THUMPD2: variants seen among roughly 807,000 people sequenced by gnomAD.
THUMPD2 encodes U6 snRNA (guanine-N(2))-methyltransferase THUMPD2.
In THUMPD2, 56 loss-of-function variants were observed where a neutral mutation model predicts 49.4. The ratio of observed to expected loss-of-function variants is 1.13; its 90% CI spans 0.91 to 1.41. The LOEUF (loss-of-function observed/expected upper bound fraction) is 1.41. Among genes scored for constraint, THUMPD2 ranks in the 40% most tolerant of loss-of-function variants. THUMPD2 has a pLI of 0.00. For synonymous variants in THUMPD2, 237 were observed against 205.2 expected (o/e 1.15, Z -1.32); for missense variants, 709 against 594.5 (o/e 1.19, Z -2.00).
chr2:39,764,125 C>A (rs2148306736), intron 5 of THUMPD2, among the ~76,000 whole-genome samples: 1 of 152,324 alleles, frequency 6.6e-6, no homozygotes, highest in Middle Eastern at 3.4e-3. Context: ...TTTCTGCTCA[C>A]AGGTCCGTAA....
chr2:39,754,032 GA>G (rs986173420), intron 8 of THUMPD2, among the ~76,000 whole-genome samples: 7 of 152,064 alleles, frequency 4.6e-5, no homozygotes, highest in African/African-American at 1.7e-4. Context: ...CCCCTAAAGT[GA>G]AAATACATAA....
At chr2:39,737,918 A>C (rs1673340977) in intron 9 of THUMPD2, among the ~76,000 whole-genome samples, 1 of 152,088 alleles carries the variant, frequency 6.6e-6, no homozygotes, top group Non-Finnish European at 1.5e-5. Flanking sequence ...TGGGAAGTGG[A>C]GGGAGGAGGG....
chr2:39,773,891 T>C (rs1370927979), intron 1 of THUMPD2, among the ~76,000 whole-genome samples: 2 of 152,218 alleles, frequency 1.3e-5, no homozygotes, highest in African/African-American at 4.8e-5. Context: ...AAGCATATTA[T>C]CAGAAGTACA....
intron 6 of THUMPD2, chr2:39,757,312 A>G (rs995798135): frequency 9.3e-7 from 1 of 1,076,062 alleles, no homozygotes. Context: ...TGATATGTCT[A>G]CAGAGGAAGC....
At chr2:39,738,655 C>A (rs1673481564) in intron 9 of THUMPD2, among the ~76,000 whole-genome samples, 1 of 128,226 alleles carries the variant, frequency 7.8e-6, no homozygotes, top group African/African-American at 3.1e-5. Flanking sequence ...AATTTATATA[C>A]ATATAAATTA....
intron 8 of THUMPD2, among the ~76,000 whole-genome samples, chr2:39,753,463 TAGG>T (rs1675685147): frequency 1.3e-5 from 2 of 152,214 alleles, no homozygotes; most frequent in African/African-American, 4.8e-5. Flanking sequence ...ACTCATTCCC[TAGG>T]AGATCTCATG....
intron 9 of THUMPD2, among the ~76,000 whole-genome samples, chr2:39,738,934 G>A (rs1313411698): frequency 1.3e-5 from 2 of 151,954 alleles, no homozygotes; most frequent in Admixed American, 6.6e-5. Context: ...AGAGTTAAGG[G>A]GAATCTGCCT....
At chr2:39,777,925 C>T (rs78135500) in intron 1 of THUMPD2, among the ~76,000 whole-genome samples, 2,830 of 152,200 alleles carry the variant, frequency 0.019, 66 homozygotes, top group East Asian at 0.069. Context: ...TCATACCAAG[C>T]ACTCTAAGTT....
At chr2:39,745,216 T>A (rs541133282) in intron 8 of THUMPD2, among the ~76,000 whole-genome samples, 4 of 152,184 alleles carry the variant, frequency 2.6e-5, no homozygotes, top group Non-Finnish European at 5.9e-5. Context: ...TCATTTTGAA[T>A]AGTACCTAAT....
Position 39,758,785 on chromosome 2 carries a change from T to TA in THUMPD2, c.891+2545dup, listed in dbSNP as rs372395566. 7.6e-3 allele frequency among the ~76,000 whole-genome samples: 936 copies of TA among 123,206 alleles called. 7 individuals are homozygous for TA. The highest frequency in any genetic ancestry group is 9.3e-3 in the Non-Finnish European group (528 of 57,016). 80.8% of individuals were successfully genotyped at this position (123,206 alleles called of 152,430 possible). ...AACAAACAAAAACCAATGGCACATC[T>TA]AAAAAAAAAAAAAAAGGAGGAGGTC... is the stretch of plus-strand genomic sequence containing the variant. On this transcript the variant is annotated intron_variant, in intron 6 of 9. Transcript: ENST00000505747.
intron 6 of THUMPD2, among the ~76,000 whole-genome samples, chr2:39,757,990 G>T (rs1259503820): frequency 6.6e-6 from 1 of 152,096 alleles, no homozygotes; most frequent in Non-Finnish European, 1.5e-5. Flanking sequence ...TTCTTTAACA[G>T]ACCTCCTTTG....
intron 8 of THUMPD2, among the ~76,000 whole-genome samples, chr2:39,745,127 C>G (rs1674398858): frequency 6.6e-6 from 1 of 152,152 alleles, no homozygotes; most frequent in Non-Finnish European, 1.5e-5. Flanking sequence ...TCTAGATGTA[C>G]TTTCCACTTT....
chr2:39,749,902 A>T (rs146016194), intron 8 of THUMPD2, among the ~76,000 whole-genome samples: 1 of 152,288 alleles, frequency 6.6e-6, no homozygotes, highest in African/African-American at 2.4e-5. Flanking sequence ...TTCAAGCACC[A>T]TCCATGTCCC....
chr2:39,750,536 G>T (rs1675260942), intron 8 of THUMPD2, among the ~76,000 whole-genome samples: 1 of 151,818 alleles, frequency 6.6e-6, no homozygotes, highest in Non-Finnish European at 1.5e-5. Context: ...GCGAAACCTT[G>T]TCTTTACTAA....
At chr2:39,754,881 T>C (rs2148257387) in intron 8 of THUMPD2, among the ~76,000 whole-genome samples, 1 of 152,348 alleles carries the variant, frequency 6.6e-6, no homozygotes, top group African/African-American at 2.4e-5. Flanking sequence ...ATCTCACGGA[T>C]ACTGTCTAAT....
Position 39,770,070 on chromosome 2 carries a change from A to G in THUMPD2, c.312T>C (p.Ser104=), listed in dbSNP as rs1012389116. Residue 104 remains serine, a synonymous_variant, in exon 3 of 10, where the codon AGT becomes AGC. Coordinates refer to ENST00000505747, the MANE Select transcript of THUMPD2 (RefSeq NM_025264.5). ...TCCAAATTGAAATGGCATTCAACCA[A>G]CTTCCTGGATCTTCATTTATAAGTC... ...MQRLINEDPG[S]WLNAISIWKN... The G allele has an allele frequency of 1.9e-6, 3 of 1,552,248 alleles. No homozygotes were observed. The highest frequency in any genetic ancestry group is 2.6e-6 in the Non-Finnish European group (3 of 1,161,432).
chr2:39,768,226 A>G (rs541186914), intron 4 of THUMPD2, among the ~76,000 whole-genome samples, 198 bp downstream of exon 4: 8 of 152,308 alleles, frequency 5.3e-5, no homozygotes, highest in African/African-American at 7.2e-5. Context: ...TGGAGTTTGC[A>G]TAAGACATTT....
chr2:39,755,692 C>G (rs887456228), intron 7 of THUMPD2, among the ~76,000 whole-genome samples, 197 bp downstream of exon 7: 2 of 152,074 alleles, frequency 1.3e-5, no homozygotes, highest in Non-Finnish European at 2.9e-5. Flanking sequence ...CTCATATTTT[C>G]CTAAATTTAT....
At chr2:39,747,316 A>G (rs1404169722) in intron 8 of THUMPD2, among the ~76,000 whole-genome samples, 1 of 152,192 alleles carries the variant, frequency 6.6e-6, no homozygotes, top group Non-Finnish European at 1.5e-5. Context: ...TGGTTGCTGA[A>G]TTTGTTTTCT....
Sources: gnomAD v4.1 joint callset for allele counts (sites outside exome capture counted in the v4.1 genomes callset) on GRCh38, gnomAD v4.1.1 for gene constraint, MANE v1.5 for transcripts, NCBI Gene and HGNC (gene_info 2026-07-23, HGNC 2026-07-21) for gene names.